ABI3BP: variants seen among roughly 807,000 people sequenced by gnomAD.
The protein encoded by ABI3BP is target of Nesh-SH3.
ABI3BP carries 216 observed loss-of-function variants against 268.6 expected under a neutral mutation model. The observed-to-expected ratio is 0.80, with a 90% confidence interval of 0.72 to 0.90. The LOEUF (loss-of-function observed/expected upper bound fraction) is 0.90, where lower values mean the gene tolerates loss of function less well. ABI3BP is among the 40% of genes least tolerant of loss of function. The probability of loss-of-function intolerance (pLI) is 0.00; values close to 1 mark genes in which losing one functional copy is unlikely to be tolerated. For missense variants in ABI3BP, 2,090 were observed against 2,182.4 expected, an observed-to-expected ratio of 0.96 and a Z score of 0.84; for synonymous variants, 730 against 730.0, an observed-to-expected ratio of 1.00 and a Z score of 0.00.
intron 29 of ABI3BP, among the ~76,000 whole-genome samples, chr3:100,833,801 T>C (rs933130989): frequency 2.0e-5 from 3 of 152,176 alleles, no homozygotes; most frequent in Admixed American, 6.5e-5. Context: ...TTCGAAGTGC[T>C]CTTTGTAGAC....
intron 14 of ABI3BP, among the ~76,000 whole-genome samples, chr3:100,856,947 A>C (rs2098947188): frequency 6.6e-6 from 1 of 152,208 alleles, no homozygotes; most frequent in Non-Finnish European, 1.5e-5. Context: ...CCCAGTTTAT[A>C]GAGTGATTCT....
intron 1 of ABI3BP, 102 bp downstream of exon 1, chr3:100,993,204 C>A (rs1224880381): frequency 3.6e-6 from 3 of 829,800 alleles, no homozygotes; most frequent in Non-Finnish European, 5.6e-6. Context: ...CAGAATAACT[C>A]TATTCCCCCC....
At chr3:100,755,733 A>G (rs750717796) in intron 63 of ABI3BP, among the ~76,000 whole-genome samples, 6 of 152,344 alleles carry the variant, frequency 3.9e-5, no homozygotes, top group Non-Finnish European at 8.8e-5. Context: ...CCTGAAATTA[A>G]GATTTCCCTT....
chr3:100,969,889 T>G (rs1257011866), intron 1 of ABI3BP, among the ~76,000 whole-genome samples: 2 of 152,188 alleles, frequency 1.3e-5, no homozygotes, highest in African/African-American at 4.8e-5. Flanking sequence ...TTCCTGCTCA[T>G]GTAAAGTTAG....
chr3:100,878,380 T>C (rs1423347071), intron 6 of ABI3BP, among the ~76,000 whole-genome samples: 1 of 152,256 alleles, frequency 6.6e-6, no homozygotes, highest in Non-Finnish European at 1.5e-5. Flanking sequence ...CACCTTTCTA[T>C]ATTTGCCAAA....
At chr3:100,776,599 A>G (rs188496430) in intron 59 of ABI3BP, among the ~76,000 whole-genome samples, 3 of 152,268 alleles carry the variant, frequency 2.0e-5, no homozygotes, top group African/African-American at 7.2e-5. Context: ...CTGGAATTCA[A>G]GATACACTTT....
intron 4 of ABI3BP, among the ~76,000 whole-genome samples, chr3:100,888,569 T>C (rs1245635943): frequency 6.6e-6 from 1 of 152,080 alleles, no homozygotes; most frequent in East Asian, 1.9e-4. Context: ...TGCTTATAAA[T>C]AAATGAGACA....
rs146725839 is a variant in ABI3BP at position 100,894,855 on chromosome 3, C to G, written c.461+3907G>C. ...TCGGGAGGCTGAGGCAGGAGAATGG[C>G]GTGAACCCGGCAGGCGGAGCTTACA... is the stretch of plus-strand genomic sequence containing the variant. On this transcript the variant is annotated intron_variant, in intron 4 of 67. Coordinates refer to ENST00000471714, the MANE Select transcript of ABI3BP (RefSeq NM_001375547.2). 1.2e-4 allele frequency among the ~76,000 whole-genome samples: 17 copies of G among 141,786 alleles called. No individual in the cohort carries two copies. In the East Asian group the frequency reaches 2.3e-3, roughly 19 times the overall value. The allele number at this position is 141,786 out of a possible 152,430, so 93.0% of individuals were successfully genotyped here.
intron 1 of ABI3BP, among the ~76,000 whole-genome samples, chr3:100,975,477 A>T (rs912475358): frequency 2.6e-5 from 4 of 152,062 alleles, no homozygotes; most frequent in African/African-American, 4.8e-5. Flanking sequence ...ATTATACAAT[A>T]GTTGGTCTCT....
chr3:100,801,742 A>G (rs1435076169), intron 51 of ABI3BP, among the ~76,000 whole-genome samples: 1 of 152,136 alleles, frequency 6.6e-6, no homozygotes, highest in East Asian at 1.9e-4. Context: ...GAAAAATAAG[A>G]AGCTTTAGGA....
At chr3:100,956,258 CACAT>C (rs59307151) in intron 1 of ABI3BP, among the ~76,000 whole-genome samples, 5,091 of 104,858 alleles carry the variant, frequency 0.049, 162 homozygotes, top group African/African-American at 0.081. Flanking sequence ...CACACACACA[CACAT>C]ATGGCATGTC....
chr3:100,919,478 G>A (rs566569828), intron 2 of ABI3BP, among the ~76,000 whole-genome samples: 24 of 152,242 alleles, frequency 1.6e-4, no homozygotes, highest in African/African-American at 5.1e-4. Flanking sequence ...GGTAAACCTT[G>A]TAAATGGTAC....
intron 64 of ABI3BP, 23 bp from the exon 65 acceptor site, chr3:100,753,871 G>A: frequency 6.2e-7 from 1 of 1,602,304 alleles, no homozygotes; most frequent in Non-Finnish European, 8.5e-7. Context: ...AAATAGAAAA[G>A]TCAGACCTTA....
intron 42 of ABI3BP, among the ~76,000 whole-genome samples, chr3:100,817,023 G>C (rs2098073456): frequency 6.6e-6 from 1 of 152,124 alleles, no homozygotes; most frequent in Non-Finnish European, 1.5e-5. Flanking sequence ...CTGGATGATA[G>C]AGTCTCAGGC....
chr3:100,804,815 G>T lies in ABI3BP; in HGVS notation c.3734C>A (p.Pro1245Gln), dbSNP rs779407470. ...ACCAGGTGTGGTGTATGACACTTCTGGACTTGGTGACGTTTTTGGTTTTGC... is the reference window on the plus strand; with the variant it reads ...ACCAGGTGTGGTGTATGACACTTCTTGACTTGGTGACGTTTTTGGTTTTGC... ...VTAKPKTSPS[P>Q]EVSYTTPAPK... The change falls in exon 51 of 68, where the codon CCA (proline) becomes CAA (glutamine). Residue 1245 changes from proline (P) to glutamine (Q), a missense_variant. Coordinates refer to ENST00000471714, the MANE Select transcript of ABI3BP (RefSeq NM_001375547.2). 1 of 1,613,078 alleles carries T rather than the reference G, an allele frequency of 6.2e-7. No homozygotes were observed. The highest frequency in any genetic ancestry group is 8.5e-7 in the Non-Finnish European group (1 of 1,179,220).
At chr3:100,914,811 G>T (rs2058044018) in intron 2 of ABI3BP, among the ~76,000 whole-genome samples, 1 of 152,150 alleles carries the variant, frequency 6.6e-6, no homozygotes, top group Admixed American at 6.5e-5. Flanking sequence ...GGTTTCTAAG[G>T]TTGTCTGGAA....
At chr3:100,981,428 C>A (rs2089383556) in intron 1 of ABI3BP, among the ~76,000 whole-genome samples, 1 of 151,760 alleles carries the variant, frequency 6.6e-6, no homozygotes, top group Admixed American at 6.6e-5. Flanking sequence ...AGAGGAGGGG[C>A]AGGAGAAGGA....
chr3:100,816,749 T>A lies in ABI3BP; in HGVS notation c.3168A>T (p.Thr1056=). Residue 1056 remains threonine (T), a synonymous_variant, in exon 43 of 68, where the codon ACA becomes ACT. Transcript: ENST00000471714. Reference sequence around the variant, plus strand: ...TTTTGGGTCTGGGACGGGGACGACGTGTCCGTTGTGTTTTAGGAGCTGAAG... The same window carrying A: ...TTTTGGGTCTGGGACGGGGACGACGAGTCCGTTGTGTTTTAGGAGCTGAAG... ...ETTLAPKTQR[T]RRPRPRPKTT... 1 of 1,535,836 alleles carries A rather than the reference T, an allele frequency of 6.5e-7. No individual in the cohort carries two copies. Among genetic ancestry groups the A allele is most frequent in the Non-Finnish European group, 8.7e-7 (1 of 1,146,668 alleles).
chr3:100,986,452 A>T (rs77506050), intron 1 of ABI3BP, among the ~76,000 whole-genome samples: 4 of 152,174 alleles, frequency 2.6e-5, no homozygotes, highest in African/African-American at 9.7e-5. Context: ...ATTTGTTATA[A>T]GAAAAAGATA....
Sources: gnomAD v4.1 joint callset for allele counts (sites outside exome capture counted in the v4.1 genomes callset) on GRCh38, gnomAD v4.1.1 for gene constraint, MANE v1.5 for transcripts, NCBI Gene and HGNC (gene_info 2026-07-23, HGNC 2026-07-21) for gene names.